The following ACP6 variants were observed in gnomAD, a reference collection of about 807,000 sequenced individuals.
ACP6 encodes acid phosphatase 6, lysophosphatidic, also known as lysophosphatidic acid phosphatase type 6.
ACP6 carries 48 observed loss-of-function variants against 48.1 expected under a neutral mutation model. The ratio of observed to expected loss-of-function variants is 1.00; its 90% CI spans 0.79 to 1.27. ACP6 has a LOEUF of 1.27. Ranked by LOEUF, ACP6 falls within the 50% of genes most tolerant of loss-of-function variation. ACP6 has a pLI of 0.00. For synonymous variants in ACP6, 172 were observed against 204.2 expected, an observed-to-expected ratio of 0.84 and a Z score of 1.34; for missense variants, 485 against 529.1, an observed-to-expected ratio of 0.92 and a Z score of 0.82.
chr1:147,633,212 G>A (rs1659215066), intron 5 of ACP6, among the ~76,000 whole-genome samples: 1 of 152,152 alleles, frequency 6.6e-6, no homozygotes. Context: ...TACAGAATAA[G>A]AGCAGTCCTT....
chr1:147,658,930 C>T (rs782268074), intron 4 of ACP6, 30 bp downstream of exon 4: 1 of 1,586,640 alleles, frequency 6.3e-7, no homozygotes, highest in South Asian at 1.1e-5. Flanking sequence ...CCCTCAGGGA[C>T]AGGGACTGAC....
At chr1:147,652,160 C>T (rs960540422) in intron 7 of ACP6, 4 of 351,482 alleles carry the variant, frequency 1.1e-5, no homozygotes, top group South Asian at 1.0e-4. Context: ...CAGCTCCCCC[C>T]ACCCAAATCC....
chr1:147,648,468 T>C, intron 8 of ACP6, 57 bp from the exon 9 acceptor site: 2 of 1,593,670 alleles, frequency 1.3e-6, no homozygotes, highest in Non-Finnish European at 1.7e-6. Flanking sequence ...AAGGTCAGGA[T>C]GTGGCCTGCC....
rs1236535204 is a variant in ACP6, at chr1:147,659,656, G to T, written c.339C>A (p.Thr113=). Residue 113 remains threonine (T), a synonymous_variant, in exon 2 of 10, where the codon ACC becomes ACA. Coordinates refer to ENST00000583509, the MANE Select transcript of ACP6 (RefSeq NM_016361.5). ...AGGAAGCATTGCTCACCTTCAGGGT[G>T]GTCTCATGGTATTGAGAGTCGTAAG... The part of the protein sequence containing the change: ...YSPYDSQYHE[T]TLKGGMFAGQ... The T allele has an allele frequency of 6.2e-7, 1 of 1,614,198 alleles. No individual in the cohort carries two copies. The highest frequency in any genetic ancestry group is 2.2e-5 in the East Asian group (1 of 44,882).
chr1:147,654,443 T>C (rs1368031028), intron 5 of ACP6, 117 bp from the exon 6 acceptor site: 3 of 1,127,968 alleles, frequency 2.7e-6, no homozygotes, highest in Non-Finnish European at 3.7e-6. Flanking sequence ...CCCAATGGGG[T>C]TAGCTGGTAT....
At position 147,667,694 on chromosome 1, in the gene ACP6, T is replaced by TA. The variant is rs587679037; in HGVS notation, c.219+2135dup. Among the ~76,000 whole-genome samples the TA allele has an allele frequency of 5.9e-3, 895 of 150,618 alleles. 3 individuals are homozygous for TA. Among genetic ancestry groups the TA allele is most frequent in the Admixed American group, 9.7e-3 (146 of 15,108 alleles). The stretch of plus-strand genomic sequence containing the variant: ...TAATTAATAGCAGAACCAAGAAGAT[T>TA]AAAAAATCCCAATAACGGCCGGGTG... On this transcript the variant is annotated intron_variant, in intron 1 of 9. Transcript: ENST00000583509.
chr1:147,662,979 A>G (rs1448654241), intron 1 of ACP6, among the ~76,000 whole-genome samples: 1 of 152,222 alleles, frequency 6.6e-6, no homozygotes, highest in Non-Finnish European at 1.5e-5. Context: ...AAGACCCTCC[A>G]CTGGCAAAAA....
At chr1:147,655,939 TGGCAAG>T (rs1660236455) in intron 4 of ACP6, among the ~76,000 whole-genome samples, 1 of 152,154 alleles carries the variant, frequency 6.6e-6, no homozygotes, top group Non-Finnish European at 1.5e-5. Context: ...GTGTCAGAGA[TGGCAAG>T]TGCCATCTCT....
At chr1:147,653,334 T>C (rs1464402966) in intron 6 of ACP6, among the ~76,000 whole-genome samples, 2 of 151,982 alleles carry the variant, frequency 1.3e-5, no homozygotes, top group Admixed American at 1.3e-4. Context: ...TTTCTCCATA[T>C]TGGCCAGGCT....
intron 5 of ACP6, among the ~76,000 whole-genome samples, chr1:147,654,901 G>A (rs1660162759): frequency 6.6e-6 from 1 of 152,186 alleles, no homozygotes; most frequent in African/African-American, 2.4e-5. Context: ...AGGCCCACTC[G>A]TGGCTGTATG....
Position 147,656,963 on chromosome 1 carries a change from G to A in ACP6, c.560-1715C>T, listed in dbSNP as rs587665286. 7.2e-5 allele frequency among the ~76,000 whole-genome samples: 11 copies of A among 152,324 alleles called. 1 individual carries two copies. The South Asian group carries it at 2.3e-3, about 32-fold the overall frequency. On this transcript the variant is annotated intron_variant, in intron 4 of 9. Transcript: ENST00000583509. The stretch of plus-strand genomic sequence containing the variant: ...TCTACAGATGATTTGAAGTACATGG[G>A]AGGATGGGCATAGGTTATATGCAAA...
chr1:147,667,958 C>G (rs1660887962), intron 1 of ACP6, among the ~76,000 whole-genome samples: 2 of 149,650 alleles, frequency 1.3e-5, no homozygotes, highest in Non-Finnish European at 3.0e-5. Flanking sequence ...TCACTGCACT[C>G]CAGCCTTGCA....
intron 1 of ACP6, among the ~76,000 whole-genome samples, chr1:147,662,693 G>T (rs1179110899): frequency 6.6e-6 from 1 of 152,222 alleles, no homozygotes; most frequent in East Asian, 1.9e-4. Context: ...AAGATAGTGT[G>T]AACACTGTTG....
rs782563216 is a variant in ACP6, at chr1:147,655,131, A to G, written c.647+30T>C. On this transcript the variant is annotated intron_variant, in intron 5 of 9. Coordinates refer to ENST00000583509, the MANE Select transcript of ACP6 (RefSeq NM_016361.5). The stretch of plus-strand genomic sequence containing the variant: ...CAAAGGTTGTAAAAGGTTGTCCCCA[A>G]CTGGTGAGCAAGAACCCAGGGGCAG... 3.2e-6 allele frequency: 5 copies of G among 1,555,782 alleles called. No homozygotes were observed. In the African/African-American group the frequency reaches 4.1e-5, roughly 13 times the overall value.
chr1:147,655,307 CT>C (rs1660197444), intron 4 of ACP6, 59 bp from the exon 5 acceptor site: 1 of 1,220,874 alleles, frequency 8.2e-7, no homozygotes, highest in African/African-American at 1.5e-5. Flanking sequence ...TTCCCAGCAT[CT>C]CCACCCCCTT....
chr1:147,652,432 C>T lies in ACP6; in HGVS notation c.881+17G>A, dbSNP rs782712703. The T allele has an allele frequency of 6.2e-7, 1 of 1,603,788 alleles. No homozygotes were observed. Among genetic ancestry groups the T allele is most frequent in the South Asian group, 1.1e-5 (1 of 89,800 alleles). On this transcript the variant is annotated intron_variant, in intron 7 of 9. Coordinates refer to ENST00000583509, the MANE Select transcript of ACP6 (RefSeq NM_016361.5). ...CTGACCAAGCGTGACTTCATGCCAG[C>T]AGTGAGAGCCCCTCACCTGTCTTCC...
rs1659624980 is a variant in ACP6, at chr1:147,646,465, G to T, written c.*958C>A. On this transcript the variant is annotated 3_prime_UTR_variant, in exon 10 of 10. Coordinates refer to ENST00000583509, the MANE Select transcript of ACP6 (RefSeq NM_016361.5). ...GTCAATATTAAGATAGTAGGAAGTG[G>T]AGAGGCTTTTGTGGTTGCTGTTTTC... 1 of 152,216 alleles carries T rather than the reference G, an allele frequency of 6.6e-6. No individual in the cohort carries two copies. The highest frequency in any genetic ancestry group is 1.5e-5 in the Non-Finnish European group (1 of 68,042). The allele number at this position is 152,216 out of a possible 1,614,324, so 9.4% of individuals were successfully genotyped here. A position where few individuals can be genotyped will look rare whatever the true frequency, so the allele number is the denominator to read the frequency against.
chr1:147,648,604 G>A lies in ACP6; in HGVS notation c.978-193C>T, dbSNP rs587669993. ...TTGTTCCCACTCCCCGTGTCTTCAT[G>A]AGGAGGGTCCCCGCCAGAGAAATTC... is the stretch of plus-strand genomic sequence containing the variant. On this transcript the variant is annotated intron_variant, in intron 8 of 9. Transcript: ENST00000583509. Among the ~76,000 whole-genome samples the A allele has an allele frequency of 3.3e-5, 5 of 152,252 alleles. No homozygotes were observed. The South Asian group carries it at 6.2e-4, about 19-fold the overall frequency.
intron 1 of ACP6, among the ~76,000 whole-genome samples, chr1:147,665,885 C>T (rs1185940661): frequency 2.0e-5 from 3 of 152,340 alleles, no homozygotes; most frequent in African/African-American, 4.8e-5. Flanking sequence ...CTCATTCCTG[C>T]TCTTAAGCTT....
Sources: gnomAD v4.1 joint callset for allele counts (sites outside exome capture counted in the v4.1 genomes callset) on GRCh38, gnomAD v4.1.1 for gene constraint, MANE v1.5 for transcripts, NCBI Gene and HGNC (gene_info 2026-07-23, HGNC 2026-07-21) for gene names.